SNPH: variants seen among roughly 807,000 people sequenced by gnomAD.
SNPH encodes syntaphilin.
Under a neutral mutation model 36.8 loss-of-function variants are expected in SNPH, and 10 were observed. The ratio of observed to expected loss-of-function variants is 0.27; its 90% CI spans 0.17 to 0.46. SNPH has a LOEUF of 0.46. Ranked by LOEUF, SNPH falls within the 20% of genes least tolerant of loss-of-function variation. The pLI is 1.00. For synonymous variants in SNPH, 281 were observed against 312.2 expected, an observed-to-expected ratio of 0.90 and a Z score of 1.05; for missense variants, 622 against 744.0, an observed-to-expected ratio of 0.84 and a Z score of 1.91.
At chr20:1,287,163 G>A (rs79248421) in intron 2 of SNPH, among the ~76,000 whole-genome samples, 10,897 of 152,228 alleles carry the variant, frequency 0.072, 593 homozygotes, top group Admixed American at 0.12. Flanking sequence ...CAATAAGACT[G>A]AGCATACTTT....
chr20:1,296,846 C>T (rs1367323503), intron 4 of SNPH, among the ~76,000 whole-genome samples: 1 of 152,220 alleles, frequency 6.6e-6, no homozygotes, highest in African/African-American at 2.4e-5. Flanking sequence ...TTTGGGGAAC[C>T]CCAGAAGTTG....
In SNPH at chr20:1,305,913, G is replaced by A; in HGVS notation, c.1476G>A (p.Arg492=). Residue 492 remains arginine (R), a synonymous_variant, in exon 7 of 7, where the codon CGG becomes CGA. Coordinates refer to ENST00000381867, the MANE Select transcript of SNPH (RefSeq NM_001318234.2). ...TGGCCTGGCTTTGCCGCTCCCAGCG[G>A]CGCCAGGGCCAGCCCATCTACAACA... ...PTVAWLCRSQ[R]RQGQPIYNIS... is the part of the protein sequence containing the mutation. The A allele has an allele frequency of 1.3e-6, 2 of 1,595,822 alleles. No individual in the cohort carries two copies. Among genetic ancestry groups the A allele is most frequent in the Non-Finnish European group, 8.5e-7 (1 of 1,171,546 alleles).
At chr20:1,295,337 AAAG>A (rs2088415373) in intron 3 of SNPH, among the ~76,000 whole-genome samples, 1 of 152,178 alleles carries the variant, frequency 6.6e-6, no homozygotes, top group African/African-American at 2.4e-5. Context: ...TCTACCCAGG[AAAG>A]AAGCCTAAGG....
At chr20:1,272,021 A>G (rs561039382) in intron 2 of SNPH, among the ~76,000 whole-genome samples, 71 of 152,334 alleles carry the variant, frequency 4.7e-4, no homozygotes, top group South Asian at 3.5e-3. Flanking sequence ...TACCATCACT[A>G]TCATAAAATA....
At chr20:1,300,484 C>T (rs1384111202) in intron 5 of SNPH, 78 bp from the exon 6 acceptor site, 1 of 1,528,796 alleles carries the variant, frequency 6.5e-7, no homozygotes, top group African/African-American at 1.4e-5. Context: ...GCTGGTGTCC[C>T]CTTGCTCCCC....
At chr20:1,274,578 C>T (rs902918996) in intron 2 of SNPH, among the ~76,000 whole-genome samples, 5 of 152,028 alleles carry the variant, frequency 3.3e-5, no homozygotes, top group Admixed American at 2.0e-4. Flanking sequence ...GCTGGCATTC[C>T]CAGGAGAAAG....
intron 6 of SNPH, among the ~76,000 whole-genome samples, chr20:1,303,502 CA>C (rs1568551200): frequency 6.6e-6 from 1 of 152,222 alleles, no homozygotes; most frequent in African/African-American, 2.4e-5. Flanking sequence ...GTGGGCCCCC[CA>C]CCTGGAGGCA....
intron 2 of SNPH, among the ~76,000 whole-genome samples, chr20:1,292,814 C>G (rs1215282706): frequency 6.6e-6 from 1 of 152,190 alleles, no homozygotes; most frequent in African/African-American, 2.4e-5. Context: ...TCCTTCCCTC[C>G]CATTTTCTGC....
rs1280744465 is a variant in SNPH at position 1,304,291 on chromosome 20, G to T, written c.441-587G>T. 6.6e-6 allele frequency among the ~76,000 whole-genome samples: 1 copy of T among 152,032 alleles called. No homozygotes were observed. The highest frequency in any genetic ancestry group is 1.9e-4 in the East Asian group (1 of 5,188). On this transcript the variant is annotated intron_variant, in intron 6 of 6. Coordinates refer to ENST00000381867, the MANE Select transcript of SNPH (RefSeq NM_001318234.2). The surrounding 1 kb of genome is among the most constrained non-coding windows in gnomAD (Gnocchi z 4.3). ...CCCGTTCCACCCACCACTTCTCATC[G>T]CTCTGCATGAGGGATGATGTAAAAT...
chr20:1,296,219 C>A lies in SNPH; in HGVS notation c.-21C>A. On this transcript the variant is annotated 5_prime_UTR_variant, in exon 4 of 7. Transcript: ENST00000381867. ...GGCCCTCGCTCCTGGGGTGTCCTGC[C>A]GAAGGGTGAGAAGAGAAGCCATGCC... The A allele has an allele frequency of 6.7e-7, 1 of 1,501,474 alleles. No individual in the cohort carries two copies. The highest frequency in any genetic ancestry group is 2.5e-5 in the Admixed American group (1 of 39,962). 93.0% of individuals were successfully genotyped at this position (1,501,474 alleles called of 1,614,324 possible).
At chr20:1,301,525 C>T (rs1301439684) in intron 6 of SNPH, among the ~76,000 whole-genome samples, 1 of 151,602 alleles carries the variant, frequency 6.6e-6, no homozygotes, top group African/African-American at 2.4e-5. Context: ...TTTAATACAG[C>T]AGCTTTATTG....
chr20:1,266,910 C>G lies in SNPH; in HGVS notation c.-493+150C>G, dbSNP rs185311666. 7.1e-6 allele frequency: 8 copies of G among 1,130,592 alleles called. No homozygotes were observed. In the East Asian group the frequency reaches 1.3e-4, roughly 18 times the overall value. The allele number at this position is 1,130,592 out of a possible 1,614,324, so 70.0% of individuals were successfully genotyped here. ...GACTCATTCTTACCCTCCCTTCATT[C>G]CCCTACATCCCTTTAAGCGCTTCCC... On this transcript the variant is annotated intron_variant, in intron 2 of 6. Coordinates refer to ENST00000381867, the MANE Select transcript of SNPH (RefSeq NM_001318234.2). The surrounding 1 kb of genome is among the most constrained non-coding windows in gnomAD (Gnocchi z 6.0).
intron 2 of SNPH, among the ~76,000 whole-genome samples, chr20:1,287,998 G>A (rs991362170): frequency 3.3e-5 from 5 of 152,338 alleles, no homozygotes; most frequent in South Asian, 2.1e-4. Context: ...AGGGGCAGCC[G>A]TGGAGCAGCT....
chr20:1,271,032 C>G (rs1213543623), intron 2 of SNPH, among the ~76,000 whole-genome samples: 2 of 152,316 alleles, frequency 1.3e-5, no homozygotes. Context: ...CCTGTGCACC[C>G]CAGGCTGCTT....
At chr20:1,289,840 TTAAA>T (rs1403368000) in intron 2 of SNPH, among the ~76,000 whole-genome samples, 3 of 152,016 alleles carry the variant, frequency 2.0e-5, no homozygotes, top group East Asian at 3.9e-4. Flanking sequence ...TAAAAAAAAA[TTAAA>T]TATATATCAC....
intron 5 of SNPH, among the ~76,000 whole-genome samples, chr20:1,299,886 G>T (rs531414652): frequency 7.9e-5 from 12 of 152,320 alleles, no homozygotes; most frequent in Admixed American, 7.2e-4. Context: ...TGTACGCAGT[G>T]GGGGTGAGGA....
intron 2 of SNPH, among the ~76,000 whole-genome samples, chr20:1,268,091 C>T (rs1003009255): frequency 6.6e-6 from 1 of 152,208 alleles, no homozygotes; most frequent in African/African-American, 2.4e-5. Flanking sequence ...CACACCCCTG[C>T]AGATGGTGTC....
chr20:1,293,911 AG>A (rs924648922), intron 2 of SNPH, among the ~76,000 whole-genome samples: 4 of 152,176 alleles, frequency 2.6e-5, no homozygotes, highest in African/African-American at 9.7e-5. Context: ...AAGACAAACC[AG>A]GCATTTTGCC....
rs376424530 is a variant in SNPH, at chr20:1,304,853, G to A, written c.441-25G>A. ...CAGACCAGGCAGGCAGGCAGTGAGCGTGTGTGTGTCTCCTCGGCTCGCAGG... is the reference window on the plus strand; with the variant it reads ...CAGACCAGGCAGGCAGGCAGTGAGCATGTGTGTGTCTCCTCGGCTCGCAGG... On this transcript the variant is annotated intron_variant, in intron 6 of 6. Coordinates refer to ENST00000381867, the MANE Select transcript of SNPH (RefSeq NM_001318234.2). This position sits in a 1 kb window ranked among gnomAD's most constrained non-coding sequence, Gnocchi z 4.3. 359 of 1,599,268 alleles carry A rather than the reference G, an allele frequency of 2.2e-4. 1 individual carries two copies. The highest frequency in any genetic ancestry group is 9.8e-4 in the South Asian group (88 of 89,398).
Sources: allele counts gnomAD v4.1 joint callset (sites outside exome capture counted in the v4.1 genomes callset), GRCh38; gene constraint gnomAD v4.1.1; non-coding constraint Gnocchi (gnomAD v3.1); transcripts MANE v1.5; gene names NCBI Gene and HGNC (gene_info 2026-07-23, HGNC 2026-07-21).